Variants in THOC2 observed in about 807,000 individuals in gnomAD.
THOC2 encodes THO complex subunit 2.
Under a neutral mutation model 128.4 loss-of-function variants are expected in THOC2, and 10 were observed. The ratio of observed to expected loss-of-function variants is 0.08; its 90% CI spans 0.05 to 0.13. THOC2 has a LOEUF of 0.13. Among genes scored for constraint, THOC2 ranks in the 10% least tolerant of loss-of-function variants. The pLI is 1.00. For missense variants in THOC2, 535 were observed against 1,155.7 expected (o/e 0.46, Z 7.79); for synonymous variants, 393 against 396.9 (o/e 0.99, Z 0.12).
intron 7 of THOC2, among the ~76,000 whole-genome samples, chrX:123,689,517 C>G (rs2050135423): frequency 9.0e-6 from 1 of 111,450 alleles, no homozygotes; most frequent in Non-Finnish European, 1.9e-5. Flanking sequence ...ACCTCACACT[C>G]CTGGGCTCAA....
intron 23 of THOC2, 39 bp from the exon 24 acceptor site, chrX:123,626,701 C>T: frequency 1.8e-6 from 2 of 1,123,752 alleles, no homozygotes; most frequent in Non-Finnish European, 2.4e-6. Context: ...TAACTATATG[C>T]ACATTACCTT....
At position 123,680,569 on chromosome X, in the gene THOC2, C is replaced by G. The variant is rs748170534; in HGVS notation, c.768+5979G>C. Among the ~76,000 whole-genome samples, 861 of 110,477 alleles carry G rather than the reference C, an allele frequency of 7.8e-3. 6 individuals carry two copies. Among genetic ancestry groups the G allele is most frequent in the Non-Finnish European group, 0.013 (677 of 52,798 alleles). On this transcript the variant is annotated intron_variant, in intron 8 of 38. Coordinates refer to ENST00000245838, the MANE Select transcript of THOC2 (RefSeq NM_001081550.2). ...CTTTGTCTCTGTGTCTCTTCCTTTT[C>G]CAAGTCTCTCGTTCCACCTAACGAA... is the stretch of plus-strand genomic sequence containing the variant.
chrX:123,642,290 T>C (rs1237720517), intron 15 of THOC2, among the ~76,000 whole-genome samples: 2 of 110,126 alleles, frequency 1.8e-5, no homozygotes, highest in Admixed American at 1.9e-4. Context: ...CTGGACTTGG[T>C]GGCAGGCGCC....
intron 7 of THOC2, among the ~76,000 whole-genome samples, chrX:123,689,202 C>T (rs150522335): frequency 1.8e-3 from 197 of 112,099 alleles, no homozygotes; most frequent in Non-Finnish European, 2.9e-3. Flanking sequence ...CTATCAGTGA[C>T]CTTTACTATC....
intron 5 of THOC2, among the ~76,000 whole-genome samples, 179 bp from the exon 6 acceptor site, chrX:123,697,021 ATATT>A (rs1279456902): frequency 8.9e-5 from 10 of 112,274 alleles, no homozygotes; most frequent in African/African-American, 3.2e-4. Context: ...AAATATTGAA[ATATT>A]TAATAAACGG....
At chrX:123,610,541 T>C (rs2046664696) in intron 38 of THOC2, among the ~76,000 whole-genome samples, 1 of 111,943 alleles carries the variant, frequency 8.9e-6, no homozygotes, top group Non-Finnish European at 1.9e-5. Context: ...CCTCTTCAAC[T>C]TAACCTCTCA....
chrX:123,663,478 A>C (rs1054669493), intron 12 of THOC2, among the ~76,000 whole-genome samples: 1 of 110,452 alleles, frequency 9.1e-6, no homozygotes, highest in Non-Finnish European at 1.9e-5. Context: ...TGCATTTGTC[A>C]AAACTCATAA....
chrX:123,609,728 G>A (rs964961438), intron 38 of THOC2, among the ~76,000 whole-genome samples: 26 of 111,326 alleles, frequency 2.3e-4, no homozygotes, highest in South Asian at 3.8e-4. Flanking sequence ...GCAAGAAAAC[G>A]GGCTATAAAA....
intron 1 of THOC2, among the ~76,000 whole-genome samples, chrX:123,717,493 C>T (rs1346222218): frequency 9.0e-6 from 1 of 110,578 alleles, no homozygotes; most frequent in East Asian, 2.8e-4. Flanking sequence ...GATCCATACA[C>T]CACAAGCTAT....
intron 22 of THOC2, among the ~76,000 whole-genome samples, chrX:123,631,163 G>A (rs1445860372): frequency 1.8e-5 from 2 of 111,694 alleles, no homozygotes; most frequent in African/African-American, 6.5e-5. Flanking sequence ...TTCCTAAGAT[G>A]AAGAAATTCT....
chrX:123,629,417 A>G (rs1482100488), intron 22 of THOC2, among the ~76,000 whole-genome samples: 1 of 110,906 alleles, frequency 9.0e-6, no homozygotes, highest in African/African-American at 3.3e-5. Flanking sequence ...AATCACTTAA[A>G]TCATTCTATT....
intron 11 of THOC2, 123 bp downstream of exon 11, chrX:123,666,980 GTTC>G (rs1311751701): frequency 2.1e-6 from 1 of 478,253 alleles, no homozygotes; most frequent in African/African-American, 2.4e-5. Flanking sequence ...TCTGTGAATA[GTTC>G]TTATCTTTTG....
In THOC2 at chrX:123,632,841, T is replaced by C. The variant is rs772252308; in HGVS notation, c.2316+20A>G. 1.5e-5 allele frequency: 18 copies of C among 1,180,180 alleles called. No homozygotes were observed. In the South Asian group the frequency reaches 3.3e-4, roughly 21 times the overall value. On this transcript the variant is annotated intron_variant, in intron 21 of 38. Coordinates refer to ENST00000245838, the MANE Select transcript of THOC2 (RefSeq NM_001081550.2). Reference sequence around the variant, plus strand: ...AGGATTAAAAACATGTACATAAACATAAAAGCCACTTTAACTTGCCTGGTC... The same window carrying C: ...AGGATTAAAAACATGTACATAAACACAAAAGCCACTTTAACTTGCCTGGTC...
At position 123,608,311 on chromosome X, in the gene THOC2, G is replaced by A. The variant is rs759484860; in HGVS notation, c.*18+2607C>T. On this transcript the variant is annotated intron_variant, in intron 38 of 38. Transcript: ENST00000245838. ...AACTACTAGGGAGGGTGAGGCAGGA[G>A]AATCGCTTGAACCCGAGAGGTAGAG... is the stretch of plus-strand genomic sequence containing the variant. Among the ~76,000 whole-genome samples, 125 of 109,607 alleles carry A rather than the reference G, an allele frequency of 1.1e-3. 1 individual carries two copies. The highest frequency in any genetic ancestry group is 4.0e-3 in the African/African-American group (120 of 30,057).
Position 123,623,001 on chromosome X carries a change from T to C in THOC2, c.3682+104A>G, listed in dbSNP as rs1313188709. ...CGCTTATATACTCCTATCTAGGGAA[T>C]AAAAAGTAATACTAAGCCAGCATTG... On this transcript the variant is annotated intron_variant, in intron 29 of 38. Coordinates refer to ENST00000245838, the MANE Select transcript of THOC2 (RefSeq NM_001081550.2). 3 of 914,528 alleles carry C rather than the reference T, an allele frequency of 3.3e-6. No individual in the cohort carries two copies. In the East Asian group the frequency reaches 9.8e-5, roughly 30 times the overall value. The allele number at this position is 914,528 out of a possible 1,213,427, so 75.4% of individuals were successfully genotyped here.
At chrX:123,646,500 T>C (rs1253851907) in intron 12 of THOC2, among the ~76,000 whole-genome samples, 1 of 112,019 alleles carries the variant, frequency 8.9e-6, no homozygotes, top group Admixed American at 9.5e-5. Context: ...CTTATTTTCT[T>C]GGTAGATAAG....
At chrX:123,712,805 C>T in intron 2 of THOC2, 45 bp downstream of exon 2, 2 of 882,159 alleles carry the variant, frequency 2.3e-6, no homozygotes, top group Non-Finnish European at 3.2e-6. Context: ...CAGACAGTTA[C>T]TAATTTTAAT....
intron 2 of THOC2, among the ~76,000 whole-genome samples, chrX:123,711,216 G>A (rs1357016002): frequency 5.1e-5 from 5 of 98,530 alleles, no homozygotes; most frequent in Non-Finnish European, 1.0e-4. Context: ...TTTTTTGGTA[G>A]AGATGGAGTT....
At chrX:123,630,612 C>T (rs766773683) in intron 22 of THOC2, among the ~76,000 whole-genome samples, 2 of 16,072 alleles carry the variant, frequency 1.2e-4, no homozygotes, top group South Asian at 8.5e-3. Flanking sequence ...GACTCCATCT[C>T]AAAAAAAAAA....
Sources: gnomAD v4.1 joint callset for allele counts (sites outside exome capture counted in the v4.1 genomes callset) on GRCh38, gnomAD v4.1.1 for gene constraint, MANE v1.5 for transcripts, NCBI Gene and HGNC (gene_info 2026-07-23, HGNC 2026-07-21) for gene names.